Variants in GALNTL6 observed in about 807,000 individuals in gnomAD.
GALNTL6 encodes the protein polypeptide N-acetylgalactosaminyltransferase like 6.
GALNTL6 carries 46 observed loss-of-function variants against 73.7 expected under a neutral mutation model. The observed-to-expected ratio is 0.62, with a 90% CI of 0.49 to 0.80. The LOEUF (loss-of-function observed/expected upper bound fraction) is 0.80. GALNTL6 is among the 30% of genes least tolerant of loss of function. GALNTL6 has a pLI of 0.00. For synonymous variants in GALNTL6, 259 were observed against 263.7 expected, an observed-to-expected ratio of 0.98 and a Z score of 0.17; for missense variants, 604 against 755.0, an observed-to-expected ratio of 0.80 and a Z score of 2.34.
chr4:172,548,454 A>G (rs1336797311), intron 5 of GALNTL6, among the ~76,000 whole-genome samples: 1 of 152,214 alleles, frequency 6.6e-6, no homozygotes, highest in African/African-American at 2.4e-5. Context: ...CACATTGTCA[A>G]TGTTAACAAA....
intron 10 of GALNTL6, among the ~76,000 whole-genome samples, chr4:172,982,181 G>A (rs1751096373): frequency 6.6e-6 from 1 of 152,190 alleles, no homozygotes; most frequent in Non-Finnish European, 1.5e-5. Context: ...CTTTCTGCAT[G>A]AATAATATTT....
chr4:172,341,459 A>G (rs11734532), intron 4 of GALNTL6, among the ~76,000 whole-genome samples: 31 of 63,372 alleles, frequency 4.9e-4, no homozygotes, highest in East Asian at 7.5e-4. Flanking sequence ...TCAAAAAAAA[A>G]AAAAAAAAAA....
At chr4:172,254,349 G>A (rs1048786555) in intron 3 of GALNTL6, among the ~76,000 whole-genome samples, 1 of 151,680 alleles carries the variant, frequency 6.6e-6, no homozygotes, top group African/African-American at 2.4e-5. Flanking sequence ...TAATAAAGAG[G>A]GAGGCCATCT....
At chr4:172,973,038 C>T (rs538664011) in intron 10 of GALNTL6, among the ~76,000 whole-genome samples, 1 of 152,260 alleles carries the variant, frequency 6.6e-6, no homozygotes, top group East Asian at 1.9e-4. Flanking sequence ...CCAAAGAGCT[C>T]TGTAGTTGAG....
chr4:172,926,454 C>T (rs1238586807), intron 8 of GALNTL6, among the ~76,000 whole-genome samples: 2 of 152,206 alleles, frequency 1.3e-5, no homozygotes, highest in Non-Finnish European at 2.9e-5. Context: ...TAGTTCACTT[C>T]TGCTCACTTT....
intron 12 of GALNTL6, among the ~76,000 whole-genome samples, chr4:173,032,666 CA>C (rs923938616): frequency 3.9e-5 from 6 of 152,206 alleles, no homozygotes; most frequent in African/African-American, 1.4e-4. Flanking sequence ...GCCTGGGCAA[CA>C]AAGTGAGACC....
At chr4:172,194,551 G>C (rs943982504) in intron 2 of GALNTL6, among the ~76,000 whole-genome samples, 2 of 152,158 alleles carry the variant, frequency 1.3e-5, no homozygotes, top group African/African-American at 4.8e-5. Flanking sequence ...AGAGAGAAAG[G>C]TGAGGTCGCC....
At chr4:173,038,145 G>A (rs1753768481) in intron 12 of GALNTL6, among the ~76,000 whole-genome samples, 1 of 152,186 alleles carries the variant, frequency 6.6e-6, no homozygotes, top group South Asian at 2.1e-4. Flanking sequence ...GAATGTAGCA[G>A]GTCACCTAGA....
At chr4:172,546,385 C>T (rs193035706) in intron 5 of GALNTL6, among the ~76,000 whole-genome samples, 4 of 151,956 alleles carry the variant, frequency 2.6e-5, no homozygotes, top group African/African-American at 7.2e-5. Context: ...GTTGACTATT[C>T]CCATGATAGT....
chr4:172,370,345 G>A (rs530628428), intron 5 of GALNTL6, among the ~76,000 whole-genome samples: 81 of 152,152 alleles, frequency 5.3e-4, no homozygotes, highest in African/African-American at 1.3e-3. Flanking sequence ...TGGCTGCCAC[G>A]GGACCTAGAA....
chr4:172,748,091 G>T (rs12505471), intron 5 of GALNTL6, among the ~76,000 whole-genome samples: 22,221 of 152,060 alleles, frequency 0.15, 1,892 homozygotes, highest in East Asian at 0.26. Flanking sequence ...AGCTTCAAAA[G>T]AAAGACCAAA....
At chr4:172,836,501 C>T (rs991088117) in intron 7 of GALNTL6, among the ~76,000 whole-genome samples, 2 of 152,206 alleles carry the variant, frequency 1.3e-5, no homozygotes, top group Non-Finnish European at 2.9e-5. Flanking sequence ...CTTACAAAGG[C>T]TTCCTATGAG....
chr4:172,364,944 A>C (rs1742502008), intron 5 of GALNTL6, among the ~76,000 whole-genome samples: 1 of 152,222 alleles, frequency 6.6e-6, no homozygotes, highest in African/African-American at 2.4e-5. Flanking sequence ...CATGTAGACT[A>C]TAAGTTCCAT....
At chr4:172,539,038 G>T (rs1735451476) in intron 5 of GALNTL6, among the ~76,000 whole-genome samples, 1 of 152,194 alleles carries the variant, frequency 6.6e-6, no homozygotes, top group Non-Finnish European at 1.5e-5. Flanking sequence ...TGTCATCAGA[G>T]TCAGTAAAAT....
intron 2 of GALNTL6, among the ~76,000 whole-genome samples, chr4:172,124,012 G>T (rs1733224566): frequency 6.6e-6 from 1 of 152,052 alleles, no homozygotes; most frequent in African/African-American, 2.4e-5. Context: ...TGAAGGAAGT[G>T]CTTTTAGAGA....
intron 5 of GALNTL6, among the ~76,000 whole-genome samples, chr4:172,432,227 A>G (rs1169314507): frequency 6.6e-6 from 1 of 151,702 alleles, no homozygotes; most frequent in African/African-American, 2.4e-5. Flanking sequence ...CAACAGTTGT[A>G]CTTTATACTT....
intron 2 of GALNTL6, among the ~76,000 whole-genome samples, chr4:172,128,566 G>A (rs72700936): frequency 0.021 from 3,176 of 152,188 alleles, 33 homozygotes; most frequent in Non-Finnish European, 0.031. Context: ...TGTAATGAAG[G>A]TTGTGGACCA....
chr4:172,638,366 A>T (rs1739792474), intron 5 of GALNTL6, among the ~76,000 whole-genome samples: 1 of 152,090 alleles, frequency 6.6e-6, no homozygotes, highest in South Asian at 2.1e-4. Context: ...CATATTGGTA[A>T]AGCCCCTCCC....
chr4:171,890,044 G>A (rs1348837165), intron 2 of GALNTL6, among the ~76,000 whole-genome samples: 1 of 152,114 alleles, frequency 6.6e-6, no homozygotes, highest in African/African-American at 2.4e-5. Context: ...TCAAAATAAT[G>A]TATGACTGTT....
Sources: allele counts gnomAD v4.1 joint callset (sites outside exome capture counted in the v4.1 genomes callset), GRCh38; gene constraint gnomAD v4.1.1; transcripts MANE v1.5; gene names NCBI Gene and HGNC (gene_info 2026-07-23, HGNC 2026-07-21).